Variants in CAMTA1 observed in about 807,000 individuals in gnomAD.
The protein encoded by CAMTA1 is calmodulin binding transcription activator 1.
CAMTA1 carries 27 observed loss-of-function variants against 170.9 expected under a neutral mutation model. The observed-to-expected ratio is 0.16, with a 90% confidence interval of 0.12 to 0.22. CAMTA1 has a LOEUF of 0.22. CAMTA1 is among the 10% of genes least tolerant of loss of function. CAMTA1 has a pLI of 1.00. For synonymous variants in CAMTA1, 833 were observed against 891.5 expected (o/e 0.93, Z 1.17); for missense variants, 1,619 against 2,217.2 (o/e 0.73, Z 5.42).
chr1:7,554,133 A>G (rs2094845270), intron 6 of CAMTA1, among the ~76,000 whole-genome samples: 1 of 152,142 alleles, frequency 6.6e-6, no homozygotes. Context: ...TTTCCTCCAC[A>G]TAAAGGAAGG....
At chr1:7,519,267 C>T (rs372136456) in intron 6 of CAMTA1, among the ~76,000 whole-genome samples, 5 of 151,966 alleles carry the variant, frequency 3.3e-5, no homozygotes, top group Non-Finnish European at 7.4e-5. Flanking sequence ...CTTGAGGCTT[C>T]GGCAGGTGGG....
intron 4 of CAMTA1, among the ~76,000 whole-genome samples, chr1:7,138,770 G>A (rs951795995): frequency 5.3e-4 from 81 of 152,122 alleles, no homozygotes; most frequent in African/African-American, 1.8e-3. Flanking sequence ...CAAGGCAGGC[G>A]GATCATTTGA....
rs947413 is a variant in CAMTA1, at chr1:7,681,965, G to A, written c.2914+4232G>A. Reference sequence around the variant, plus strand: ...TCTGATTCTCCCCCAAGGCCAAGTTGAGAAGATTTAGGGTACCCTGTCCCC... The same window carrying A: ...TCTGATTCTCCCCCAAGGCCAAGTTAAGAAGATTTAGGGTACCCTGTCCCC... On this transcript the variant is annotated intron_variant, in intron 11 of 22. Coordinates refer to ENST00000303635, the MANE Select transcript of CAMTA1 (RefSeq NM_015215.4). This position sits in a 1 kb window ranked among gnomAD's most constrained non-coding sequence, Gnocchi z 4.6. Among the ~76,000 whole-genome samples the A allele has an allele frequency of 6.6e-6, 1 of 151,924 alleles. No individual in the cohort carries two copies. Among genetic ancestry groups the A allele is most frequent in the Non-Finnish European group, 1.5e-5 (1 of 67,982 alleles).
chr1:7,030,839 G>GTT (rs35126919), intron 3 of CAMTA1, among the ~76,000 whole-genome samples: 2 of 144,178 alleles, frequency 1.4e-5, no homozygotes, highest in Non-Finnish European at 1.5e-5. Context: ...CATCCTTAAT[G>GTT]TTTTTTTTTT....
chr1:6,960,545 C>T (rs1010584502), intron 3 of CAMTA1, among the ~76,000 whole-genome samples: 4 of 152,142 alleles, frequency 2.6e-5, no homozygotes, highest in Non-Finnish European at 5.9e-5. Context: ...GTCACCTCCT[C>T]GGCAAAGACT....
chr1:7,563,749 C>G (rs562983626), intron 6 of CAMTA1, among the ~76,000 whole-genome samples: 1 of 152,304 alleles, frequency 6.6e-6, no homozygotes, highest in Admixed American at 6.5e-5. Flanking sequence ...AGAGATACAG[C>G]GACTTGTTGA....
chr1:7,330,254 C>A (rs1383311189), intron 5 of CAMTA1, among the ~76,000 whole-genome samples: 1 of 152,196 alleles, frequency 6.6e-6, no homozygotes, highest in Non-Finnish European at 1.5e-5. Flanking sequence ...GGTGAAATAA[C>A]AGAGGGTCCA....
At chr1:7,091,656 A>C (rs1341245315) in intron 4 of CAMTA1, among the ~76,000 whole-genome samples, 1 of 152,200 alleles carries the variant, frequency 6.6e-6, no homozygotes, top group African/African-American at 2.4e-5. Flanking sequence ...CAGGAGCCTC[A>C]GGGGAAGTTT....
At chr1:7,717,383 T>C (rs1431483167) in intron 11 of CAMTA1, among the ~76,000 whole-genome samples, 4 of 152,196 alleles carry the variant, frequency 2.6e-5, no homozygotes, top group Non-Finnish European at 4.4e-5. Context: ...ATTTAATCTT[T>C]CCACAACGTT....
intron 3 of CAMTA1, among the ~76,000 whole-genome samples, chr1:6,832,858 A>G (rs965100828): frequency 2.0e-5 from 3 of 152,214 alleles, no homozygotes; most frequent in African/African-American, 7.2e-5. Context: ...TGAACACAGT[A>G]TATAGTACGA....
intron 4 of CAMTA1, among the ~76,000 whole-genome samples, chr1:7,153,193 A>G (rs773822305): frequency 1.3e-5 from 2 of 152,186 alleles, no homozygotes; most frequent in African/African-American, 4.8e-5. Context: ...TGCAAAAAAA[A>G]TTAGACCTTT....
chr1:7,094,536 C>G (rs1367883659), intron 4 of CAMTA1, among the ~76,000 whole-genome samples: 1 of 152,076 alleles, frequency 6.6e-6, no homozygotes, highest in Non-Finnish European at 1.5e-5. Flanking sequence ...GTAATCAGTT[C>G]ACATATAGAT....
At chr1:7,139,094 T>C (rs1160802009) in intron 4 of CAMTA1, among the ~76,000 whole-genome samples, 1 of 142,956 alleles carries the variant, frequency 7.0e-6, no homozygotes, top group Non-Finnish European at 1.5e-5. Flanking sequence ...TTATTATTTA[T>C]ATTTATTTAT....
intron 6 of CAMTA1, among the ~76,000 whole-genome samples, chr1:7,622,028 C>T (rs1300315298): frequency 6.6e-6 from 1 of 152,192 alleles, no homozygotes; most frequent in Non-Finnish European, 1.5e-5. Context: ...AGTTAGTCAC[C>T]TCCAAAGACA....
In CAMTA1 at chr1:7,656,627, G is replaced by A. The variant is rs961685301; in HGVS notation, c.665-5099G>A. On this transcript the variant is annotated intron_variant, in intron 7 of 22. Transcript: ENST00000303635. The stretch of plus-strand genomic sequence containing the variant: ...GCCTGTGTAGCTGAAGCTCTCCGCC[G>A]CTTCCCAAGGGCATGGGATGGAGCA... Among the ~76,000 whole-genome samples the A allele has an allele frequency of 2.6e-5, 4 of 152,324 alleles. No individual in the cohort carries two copies. The East Asian group carries it at 5.8e-4, about 22-fold the overall frequency.
chr1:7,121,824 G>T (rs982620144), intron 4 of CAMTA1, among the ~76,000 whole-genome samples: 36 of 152,142 alleles, frequency 2.4e-4, no homozygotes, highest in Admixed American at 4.6e-4. Flanking sequence ...AGCCGCGAGG[G>T]GGGTGCCACG....
intron 3 of CAMTA1, among the ~76,000 whole-genome samples, chr1:6,863,567 G>A (rs182295271): frequency 5.8e-4 from 88 of 152,352 alleles, no homozygotes; most frequent in Non-Finnish European, 1.0e-3. Context: ...CCCCTTCCGT[G>A]TTCTCAGTGA....
At chr1:7,111,460 G>A (rs1644033656) in intron 4 of CAMTA1, among the ~76,000 whole-genome samples, 1 of 152,196 alleles carries the variant, frequency 6.6e-6, no homozygotes, top group Admixed American at 6.5e-5. Flanking sequence ...CCAATATTAA[G>A]AGCATGGGCT....
At chr1:7,643,636 T>A (rs1411034648) in intron 7 of CAMTA1, among the ~76,000 whole-genome samples, 2 of 152,214 alleles carry the variant, frequency 1.3e-5, no homozygotes, top group Admixed American at 1.3e-4. Flanking sequence ...GAGGGAACTG[T>A]GAATGCCTGC....
Sources: allele counts gnomAD v4.1 joint callset (sites outside exome capture counted in the v4.1 genomes callset), GRCh38; gene constraint gnomAD v4.1.1; non-coding constraint Gnocchi (gnomAD v3.1); transcripts MANE v1.5; gene names NCBI Gene and HGNC (gene_info 2026-07-23, HGNC 2026-07-21).